The following SPOCK1 variants were observed in gnomAD, a reference collection of about 807,000 sequenced individuals.
SPOCK1 encodes the protein testican-1.
In SPOCK1, 23 loss-of-function variants were observed where a neutral mutation model predicts 55.3. The observed-to-expected ratio is 0.42, with a 90% CI of 0.30 to 0.59. The LOEUF (loss-of-function observed/expected upper bound fraction) is 0.59. Ranked by LOEUF, SPOCK1 falls within the 20% of genes least tolerant of loss-of-function variation. The pLI, the probability that SPOCK1 is intolerant of heterozygous loss-of-function variation, is 0.22. For missense variants in SPOCK1, 499 were observed against 552.5 expected (o/e 0.90, Z 0.97); for synonymous variants, 226 against 221.0 (o/e 1.02, Z -0.20).
intron 6 of SPOCK1, among the ~76,000 whole-genome samples, chr5:137,027,785 C>G (rs1480663837): frequency 2.0e-5 from 3 of 151,776 alleles, no homozygotes. Context: ...ACACACCACC[C>G]CTTTTGCACC....
At chr5:136,994,133 G>A (rs1218343726) in intron 6 of SPOCK1, among the ~76,000 whole-genome samples, 1 of 152,110 alleles carries the variant, frequency 6.6e-6, no homozygotes, top group Non-Finnish European at 1.5e-5. Context: ...CATTTACGAC[G>A]CTGCCTTCTG....
intron 2 of SPOCK1, among the ~76,000 whole-genome samples, chr5:137,356,374 T>C (rs1263819812): frequency 6.6e-6 from 1 of 152,126 alleles, no homozygotes; most frequent in Non-Finnish European, 1.5e-5. Context: ...TTAGGAAACT[T>C]AGTGGGAAAT....
At chr5:137,196,540 A>G (rs1171794825) in intron 3 of SPOCK1, among the ~76,000 whole-genome samples, 2 of 152,174 alleles carry the variant, frequency 1.3e-5, no homozygotes, top group East Asian at 3.8e-4. Context: ...TAAACATGTG[A>G]TGCCACTGGC....
intron 6 of SPOCK1, among the ~76,000 whole-genome samples, chr5:137,002,160 A>T (rs1271970561): frequency 6.6e-6 from 1 of 152,190 alleles, no homozygotes; most frequent in Non-Finnish European, 1.5e-5. Context: ...TACTGACATT[A>T]AACTTGGAAT....
At chr5:137,209,537 C>T (rs1476897194) in intron 3 of SPOCK1, among the ~76,000 whole-genome samples, 1 of 152,160 alleles carries the variant, frequency 6.6e-6, no homozygotes, top group African/African-American at 2.4e-5. Context: ...TTTGTTGAGC[C>T]AAGAACCTCG....
intron 3 of SPOCK1, among the ~76,000 whole-genome samples, chr5:137,164,598 T>C (rs1754614852): frequency 6.6e-6 from 1 of 151,930 alleles, no homozygotes; most frequent in South Asian, 2.1e-4. Flanking sequence ...TGAGATAGAG[T>C]ACCAAGCAAG....
chr5:137,305,466 T>C (rs1244821269), intron 2 of SPOCK1, among the ~76,000 whole-genome samples: 1 of 152,196 alleles, frequency 6.6e-6, no homozygotes, highest in African/African-American at 2.4e-5. Flanking sequence ...TTAAGACTTA[T>C]TCAATGCATG....
chr5:137,079,206 CTCTTA>C (rs1752829807), intron 5 of SPOCK1, among the ~76,000 whole-genome samples: 2 of 152,224 alleles, frequency 1.3e-5, no homozygotes, highest in African/African-American at 4.8e-5. Context: ...TTGCCTGTCT[CTCTTA>C]TGAGTTCCAT....
At chr5:137,183,275 CA>C (rs1755004925) in intron 3 of SPOCK1, among the ~76,000 whole-genome samples, 2 of 152,170 alleles carry the variant, frequency 1.3e-5, no homozygotes, top group South Asian at 4.2e-4. Flanking sequence ...TGGTATGAAG[CA>C]ACATGCATGG....
intron 2 of SPOCK1, among the ~76,000 whole-genome samples, chr5:137,381,861 T>C (rs780288771): frequency 1.3e-5 from 2 of 152,262 alleles, no homozygotes; most frequent in Non-Finnish European, 2.9e-5. Context: ...TCTTTACTTA[T>C]GCAAATTTCT....
intron 5 of SPOCK1, among the ~76,000 whole-genome samples, chr5:137,076,391 C>T (rs1229619728): frequency 6.6e-6 from 1 of 152,172 alleles, no homozygotes; most frequent in African/African-American, 2.4e-5. Flanking sequence ...TATGGGGTTA[C>T]ATTTCAATAA....
In SPOCK1 at chr5:136,978,101, GAAGCCAGATAT is replaced by G. The variant is rs767773616; in HGVS notation, c.*542_*552del. ...ACTGAATTAAGGCTGTTGTTTATAG[GAAGCCAGATAT>G]AATGATGTGAAAAAAACTAATTTTT... is the stretch of plus-strand genomic sequence containing the variant. On this transcript the variant is annotated 3_prime_UTR_variant, in exon 11 of 11. Coordinates refer to ENST00000394945, the MANE Select transcript of SPOCK1 (RefSeq NM_004598.4). 3.5e-4 allele frequency: 140 copies of G among 396,950 alleles called. No homozygotes were observed. Among genetic ancestry groups the G allele is most frequent in the Non-Finnish European group, 5.5e-4 (124 of 225,330 alleles). 24.6% of individuals were successfully genotyped at this position (396,950 alleles called of 1,614,324 possible).
Position 137,145,927 on chromosome 5 carries a change from C to T in SPOCK1, c.233-5233G>A, listed in dbSNP as rs558824311. On this transcript the variant is annotated intron_variant, in intron 3 of 10. Transcript: ENST00000394945. ...GAGGCTGGCAGCAGTTGGAGCAAGC[C>T]GGTGAGTAAAAAGGCTGGAGAAGAG... Among the ~76,000 whole-genome samples, 16 of 152,220 alleles carry T rather than the reference C, an allele frequency of 1.1e-4. No homozygotes were observed. In the East Asian group the frequency reaches 1.4e-3, roughly 13 times the overall value.
intron 2 of SPOCK1, among the ~76,000 whole-genome samples, chr5:137,439,823 A>G (rs144300000): frequency 1.5e-3 from 234 of 152,330 alleles, no homozygotes; most frequent in African/African-American, 4.6e-3. Context: ...CTGAAGTCTG[A>G]GAAGCCTAAG....
intron 5 of SPOCK1, among the ~76,000 whole-genome samples, chr5:137,073,541 C>G (rs10050525): frequency 0.87 from 131,742 of 152,256 alleles, 57,524 homozygotes; most frequent in South Asian, 0.94. Flanking sequence ...GTGTGACCCA[C>G]GGCACAGTCT....
chr5:137,482,184 T>C (rs1753964678), intron 2 of SPOCK1, among the ~76,000 whole-genome samples: 1 of 152,190 alleles, frequency 6.6e-6, no homozygotes, highest in African/African-American at 2.4e-5. Flanking sequence ...CTGCCAGCCA[T>C]GGCATGGGCC....
intron 3 of SPOCK1, among the ~76,000 whole-genome samples, chr5:137,152,024 T>G (rs1296064010): frequency 2.0e-5 from 3 of 152,204 alleles, no homozygotes; most frequent in African/African-American, 4.8e-5. Flanking sequence ...TTATTAAATT[T>G]CATTCCTCAA....
At chr5:137,462,412 G>A (rs1275178257) in intron 2 of SPOCK1, among the ~76,000 whole-genome samples, 1 of 152,162 alleles carries the variant, frequency 6.6e-6, no homozygotes, top group Non-Finnish European at 1.5e-5. Context: ...ACACTCCGAG[G>A]TGAGAAAGGT....
intron 3 of SPOCK1, among the ~76,000 whole-genome samples, chr5:137,228,733 G>T (rs1030007186): frequency 6.6e-6 from 1 of 152,136 alleles, no homozygotes; most frequent in Non-Finnish European, 1.5e-5. Context: ...CAGTACAAAA[G>T]TGCAAAATTT....
Sources: allele counts gnomAD v4.1 joint callset (sites outside exome capture counted in the v4.1 genomes callset), GRCh38; gene constraint gnomAD v4.1.1; transcripts MANE v1.5; gene names NCBI Gene and HGNC (gene_info 2026-07-23, HGNC 2026-07-21).